The following TUBGCP3 variants were observed in gnomAD, a reference collection of about 807,000 sequenced individuals.
TUBGCP3 encodes tubulin gamma complex component 3.
TUBGCP3 carries 50 observed loss-of-function variants against 123.1 expected under a neutral mutation model. The ratio of observed to expected loss-of-function variants is 0.41; its 90% CI spans 0.32 to 0.51. The LOEUF (loss-of-function observed/expected upper bound fraction) is 0.51, where lower values mean the gene tolerates loss of function less well. Ranked by LOEUF, TUBGCP3 falls within the 20% of genes least tolerant of loss-of-function variation. TUBGCP3 has a pLI of 0.36. For synonymous variants in TUBGCP3, 405 were observed against 413.9 expected, an observed-to-expected ratio of 0.98 and a Z score of 0.26; for missense variants, 882 against 1,127.0, an observed-to-expected ratio of 0.78 and a Z score of 3.11.
intron 2 of TUBGCP3, among the ~76,000 whole-genome samples, chr13:112,566,795 T>C (rs986866247): frequency 2.6e-5 from 4 of 152,220 alleles, no homozygotes; most frequent in African/African-American, 9.6e-5. Flanking sequence ...CTCTATTAAA[T>C]TGATTCTCTA....
At chr13:112,552,912 C>T (rs1028962933) in intron 8 of TUBGCP3, among the ~76,000 whole-genome samples, 4 of 151,356 alleles carry the variant, frequency 2.6e-5, no homozygotes, top group African/African-American at 7.3e-5. Context: ...TCAGCAGCCA[C>T]GCTGCCACAG....
intron 14 of TUBGCP3, among the ~76,000 whole-genome samples, chr13:112,521,297 G>C (rs1312203006): frequency 1.3e-5 from 2 of 152,260 alleles, no homozygotes; most frequent in Admixed American, 6.5e-5. Context: ...TAAGGCATGA[G>C]CATGTCACAA....
chr13:112,547,194 G>A (rs906088911), intron 10 of TUBGCP3: 3 of 375,578 alleles, frequency 8.0e-6, no homozygotes, highest in African/African-American at 6.2e-5. Context: ...AAGGCAAAAA[G>A]CAAAATGCAA....
intron 1 of TUBGCP3, among the ~76,000 whole-genome samples, chr13:112,582,588 C>T (rs1226303157): frequency 6.6e-6 from 1 of 152,196 alleles, no homozygotes; most frequent in Non-Finnish European, 1.5e-5. Flanking sequence ...GAGGCCGTGC[C>T]ACAGGGCTCT....
intron 11 of TUBGCP3, among the ~76,000 whole-genome samples, chr13:112,543,498 T>C (rs535405735): frequency 6.6e-6 from 1 of 152,314 alleles, no homozygotes; most frequent in African/African-American, 2.4e-5. Flanking sequence ...CATATCTAAG[T>C]ATAAATGTGC....
intron 20 of TUBGCP3, among the ~76,000 whole-genome samples, chr13:112,492,418 C>T (rs1360260744): frequency 6.6e-6 from 1 of 152,234 alleles, no homozygotes; most frequent in Admixed American, 6.5e-5. Flanking sequence ...AAAACTCATA[C>T]ATGAACAGCT....
chr13:112,581,451 A>ATT (rs11415122), intron 1 of TUBGCP3, among the ~76,000 whole-genome samples: 4 of 150,666 alleles, frequency 2.7e-5, no homozygotes, highest in Non-Finnish European at 5.9e-5. Context: ...CTATTTAAGA[A>ATT]TTTTTTTTTT....
intron 11 of TUBGCP3, among the ~76,000 whole-genome samples, chr13:112,541,915 AAAAGGT>A (rs1239812015): frequency 6.6e-6 from 1 of 152,208 alleles, no homozygotes; most frequent in Non-Finnish European, 1.5e-5. Flanking sequence ...TAATTAAATA[AAAAGGT>A]AAACTTTCTC....
chr13:112,519,043 C>T lies in TUBGCP3; in HGVS notation c.1882G>A (p.Val628Ile). The change falls in exon 16 of 22, where the codon GTC becomes ATC. Residue 628 changes from valine to isoleucine, a missense_variant and splice_region_variant. Val to Ile is a conservative substitution (Grantham distance 29). Around this residue, in one of 3 missense-constraint regions of TUBGCP3, gnomAD observed 713 missense variants for 874.0 expected, o/e 0.82. Transcript: ENST00000261965. This position sits in a 1 kb window ranked among gnomAD's most constrained non-coding sequence, Gnocchi z 6.2. The stretch of plus-strand genomic sequence containing the variant: ...TCCCATCCAGTGTCACCTGGAGAGA[C>T]CTAACAACAGAAACAAACACATAAT... ...LRRLDVRLLE[V>I]SPGDTGWDVF... is the part of the protein sequence containing the mutation. 1 of 1,612,840 alleles carries T rather than the reference C, an allele frequency of 6.2e-7. No individual in the cohort carries two copies. The highest frequency in any genetic ancestry group is 8.5e-7 in the Non-Finnish European group (1 of 1,178,864).
intron 11 of TUBGCP3, among the ~76,000 whole-genome samples, chr13:112,539,824 A>G (rs1356251882): frequency 6.1e-5 from 9 of 148,352 alleles, no homozygotes; most frequent in East Asian, 4.1e-4. Flanking sequence ...ATACCTGGGA[A>G]TGAGGACGTC....
chr13:112,565,673 G>A (rs773991406), intron 2 of TUBGCP3, among the ~76,000 whole-genome samples: 6 of 152,182 alleles, frequency 3.9e-5, no homozygotes, highest in African/African-American at 7.2e-5. Flanking sequence ...GGTGGCTCAC[G>A]CCTGTAATCC....
intron 2 of TUBGCP3, among the ~76,000 whole-genome samples, chr13:112,565,921 C>T (rs547695175): frequency 2.8e-5 from 4 of 140,768 alleles, no homozygotes; most frequent in East Asian, 2.1e-4. Flanking sequence ...GCCGACAGAG[C>T]GAGACTCTGT....
At chr13:112,559,206 G>T (rs1042761752) in intron 4 of TUBGCP3, 116 bp downstream of exon 4, 3 of 808,194 alleles carry the variant, frequency 3.7e-6, no homozygotes, top group Non-Finnish European at 5.9e-6. Context: ...GACCTTCCAT[G>T]ACAGACAAGC....
intron 17 of TUBGCP3, among the ~76,000 whole-genome samples, chr13:112,510,830 T>C (rs1215365282): frequency 1.3e-5 from 2 of 152,170 alleles, no homozygotes; most frequent in South Asian, 2.1e-4. Context: ...TTTCCATCAA[T>C]TGGAGCCAGG....
intron 8 of TUBGCP3, among the ~76,000 whole-genome samples, chr13:112,552,651 G>A (rs1347317989): frequency 1.3e-5 from 2 of 152,222 alleles, no homozygotes; most frequent in Non-Finnish European, 2.9e-5. Context: ...GCAAGATGAC[G>A]TGACCATTAC....
At chr13:112,600,892 TTTTAA>T in the TUBGCP3 span, among the ~76,000 whole-genome samples, 1 of 152,176 alleles carries the variant, frequency 6.6e-6, no homozygotes, top group Non-Finnish European at 1.5e-5. Flanking sequence ...TCTAAACGTA[TTTTAA>T]TTTAATTTTA....
intron 20 of TUBGCP3, among the ~76,000 whole-genome samples, chr13:112,495,033 GTTGA>G (rs1256234532): frequency 2.0e-5 from 3 of 152,220 alleles, no homozygotes; most frequent in African/African-American, 7.2e-5. Flanking sequence ...TCTTCACTTT[GTTGA>G]TTGTTTCCTT....
intron 20 of TUBGCP3, among the ~76,000 whole-genome samples, chr13:112,497,997 A>T (rs1477529824): frequency 6.6e-6 from 1 of 152,158 alleles, no homozygotes; most frequent in African/African-American, 2.4e-5. Flanking sequence ...AATAACCGTT[A>T]AGTACAGAAA....
upstream of TUBGCP3, among the ~76,000 whole-genome samples, chr13:112,592,096 T>C (rs910322220): frequency 6.6e-6 from 1 of 152,162 alleles, no homozygotes; most frequent in Non-Finnish European, 1.5e-5. The surrounding 1 kb of genome is among the most constrained non-coding windows in gnomAD (Gnocchi z 4.1). Context: ...ACATCTGGAC[T>C]CTGTGATAAT....
Sources: gnomAD v4.1 joint callset for allele counts (sites outside exome capture counted in the v4.1 genomes callset) on GRCh38, gnomAD v4.1.1 for gene constraint, gnomAD v4.1.1 regional missense constraint, Gnocchi (gnomAD v3.1) non-coding constraint, MANE v1.5 for transcripts, NCBI Gene and HGNC (gene_info 2026-07-23, HGNC 2026-07-21) for gene names.